ESR1: variants seen among roughly 807,000 people sequenced by gnomAD.
The protein encoded by ESR1 is estrogen receptor.
A neutral mutation model predicts 52.7 loss-of-function variants in ESR1; 12 were observed. The observed-to-expected ratio is 0.23, with a 90% CI of 0.15 to 0.37. The LOEUF is 0.37. Ranked by LOEUF, ESR1 falls within the 10% of genes least tolerant of loss-of-function variation. The pLI is 1.00. For synonymous variants in ESR1, 305 were observed against 316.8 expected (o/e 0.96, Z 0.39); for missense variants, 584 against 779.7 (o/e 0.75, Z 2.99).
chr6:151,801,843 C>G (rs1777276571), upstream of ESR1, among the ~76,000 whole-genome samples: 2 of 152,208 alleles, frequency 1.3e-5, no homozygotes. Context: ...TGCCTAGTAA[C>G]CTGCATGCCC....
chr6:151,954,378 C>T (rs2036668315), intron 4 of ESR1, among the ~76,000 whole-genome samples: 1 of 152,156 alleles, frequency 6.6e-6, no homozygotes, highest in South Asian at 2.1e-4. Flanking sequence ...TATCACTTAG[C>T]TGTATCTAGC....
chr6:151,814,405 A>AT (rs371001536), intron 1 of ESR1, among the ~76,000 whole-genome samples: 228 of 152,046 alleles, frequency 1.5e-3, no homozygotes, highest in African/African-American at 5.2e-3. Context: ...CTTTTACCCT[A>AT]TTAAGCTTTC....
At chr6:152,005,860 T>C (rs2042287379) in intron 4 of ESR1, among the ~76,000 whole-genome samples, 1 of 152,000 alleles carries the variant, frequency 6.6e-6, no homozygotes, top group African/African-American at 2.4e-5. Flanking sequence ...AAGTCCCATG[T>C]TGGGATGTGA....
At chr6:152,079,616 G>A (rs927236731) in intron 6 of ESR1, among the ~76,000 whole-genome samples, 12 of 152,156 alleles carry the variant, frequency 7.9e-5, no homozygotes, top group Admixed American at 4.6e-4. Flanking sequence ...ACCAGCAAGG[G>A]AACAAAACAG....
intron 6 of ESR1, among the ~76,000 whole-genome samples, chr6:152,120,617 A>T (rs1333336461): frequency 6.6e-6 from 1 of 152,170 alleles, no homozygotes; most frequent in African/African-American, 2.4e-5. Context: ...CCTGTGGGGC[A>T]GGCAAGGAGG....
intron 1 of ESR1, among the ~76,000 whole-genome samples, chr6:151,675,249 C>G (rs1778211803): frequency 6.6e-6 from 1 of 152,182 alleles, no homozygotes; most frequent in Non-Finnish European, 1.5e-5. Context: ...GATTTATTCA[C>G]TAAGTACTCA....
intron 1 of ESR1, among the ~76,000 whole-genome samples, chr6:151,669,749 G>T (rs370110351): frequency 3.6e-4 from 55 of 152,324 alleles, no homozygotes; most frequent in African/African-American, 1.3e-3. Context: ...AACAGTCTAT[G>T]TGTTTGCTAT....
At chr6:151,900,144 T>G (rs1256106907) in intron 3 of ESR1, among the ~76,000 whole-genome samples, 3 of 152,246 alleles carry the variant, frequency 2.0e-5, no homozygotes, top group Non-Finnish European at 4.4e-5. Context: ...TTTTAAATTC[T>G]TTTTTCTTTG....
chr6:151,768,901 C>T (rs1418732905), intron 2 of ESR1, among the ~76,000 whole-genome samples: 1 of 152,122 alleles, frequency 6.6e-6, no homozygotes, highest in Non-Finnish European at 1.5e-5. Context: ...GGTCAAAGAA[C>T]CTTTGGTAAT....
At chr6:152,089,588 CT>C (rs1464817538) in intron 6 of ESR1, among the ~76,000 whole-genome samples, 3 of 152,012 alleles carry the variant, frequency 2.0e-5, no homozygotes, top group African/African-American at 7.2e-5. Context: ...CTTTTCACTA[CT>C]TTTTTTTGAG....
chr6:151,838,519 A>G (rs1283532571), intron 1 of ESR1, among the ~76,000 whole-genome samples: 1 of 152,172 alleles, frequency 6.6e-6, no homozygotes, highest in Admixed American at 6.5e-5. Context: ...TATTCTGAGG[A>G]CACAGCTCTC....
chr6:152,056,888 C>G (rs2047149189), intron 5 of ESR1, among the ~76,000 whole-genome samples: 1 of 152,114 alleles, frequency 6.6e-6, no homozygotes, highest in South Asian at 2.1e-4. Context: ...TTCCATGCCC[C>G]ACGTGCTTCT....
At chr6:152,028,910 C>A (rs1367120725) in intron 5 of ESR1, among the ~76,000 whole-genome samples, 1 of 152,178 alleles carries the variant, frequency 6.6e-6, no homozygotes, top group Non-Finnish European at 1.5e-5. Flanking sequence ...CAGACTGACA[C>A]CTCACATGGC....
At chr6:152,054,840 C>T (rs1054705294) in intron 5 of ESR1, among the ~76,000 whole-genome samples, 1 of 152,206 alleles carries the variant, frequency 6.6e-6, no homozygotes, top group African/African-American at 2.4e-5. Flanking sequence ...TTGAGACCCA[C>T]ATCAAATGCT....
intron 4 of ESR1, among the ~76,000 whole-genome samples, chr6:151,964,704 C>T (rs565778054): frequency 1.3e-5 from 2 of 151,094 alleles, no homozygotes; most frequent in African/African-American, 4.9e-5. Context: ...TGCAGTGGTG[C>T]GATCTCCACT....
exon 7 of ESR1, chr6:152,125,464 T>G: frequency 7.5e-7 from 1 of 1,328,522 alleles, no homozygotes; most frequent in Non-Finnish European, 1.0e-6. Context: ...TTAGTCTCTC[T>G]GGCCTTCAGT....
At chr6:152,082,852 TC>T (rs968795135) in intron 6 of ESR1, among the ~76,000 whole-genome samples, 3 of 152,068 alleles carry the variant, frequency 2.0e-5, no homozygotes, top group Non-Finnish European at 4.4e-5. Flanking sequence ...ATGAGTGAAC[TC>T]CCATTCAGAA....
intron 2 of ESR1, among the ~76,000 whole-genome samples, chr6:151,850,459 G>C (rs1260072348): frequency 1.3e-5 from 2 of 150,174 alleles, no homozygotes; most frequent in African/African-American, 4.9e-5. Flanking sequence ...GAGAGAGAAG[G>C]AGAAAGAAAG....
intron 4 of ESR1, among the ~76,000 whole-genome samples, chr6:151,947,706 A>G (rs552608043): frequency 3.3e-5 from 5 of 152,304 alleles, no homozygotes; most frequent in African/African-American, 9.6e-5. Context: ...TTGGGATAGA[A>G]TGCATCATAC....
Sources: gnomAD v4.1 joint callset for allele counts (sites outside exome capture counted in the v4.1 genomes callset) on GRCh38, gnomAD v4.1.1 for gene constraint, MANE v1.5 for transcripts, NCBI Gene and HGNC (gene_info 2026-07-23, HGNC 2026-07-21) for gene names.